The following OAS3 variants were observed in gnomAD, a reference collection of about 807,000 sequenced individuals.
OAS3 encodes the protein 2'-5'-oligoadenylate synthetase 3.
Under a neutral mutation model 113.0 loss-of-function variants are expected in OAS3, and 107 were observed. The ratio of observed to expected loss-of-function variants is 0.95; its 90% CI spans 0.81 to 1.11. The LOEUF is 1.11. OAS3 is among the 50% of genes most tolerant of loss of function. The pLI, the probability that OAS3 is intolerant of heterozygous loss-of-function variation, is 0.00. For synonymous variants in OAS3, 552 were observed against 573.6 expected (o/e 0.96, Z 0.54); for missense variants, 1,258 against 1,389.1 (o/e 0.91, Z 1.50).
intron 7 of OAS3, among the ~76,000 whole-genome samples, chr12:112,951,454 G>C (rs2043791823): frequency 6.6e-6 from 1 of 151,842 alleles, no homozygotes; most frequent in Admixed American, 6.6e-5. Flanking sequence ...CAAATCTTTT[G>C]TTTGACATGC....
chr12:112,968,103 C>G lies in OAS3; in HGVS notation c.3033C>G (p.Tyr1011Ter). 1 of 1,613,978 alleles carries G rather than the reference C, an allele frequency of 6.2e-7. No individual in the cohort carries two copies. The highest frequency in any genetic ancestry group is 8.5e-7 in the Non-Finnish European group (1 of 1,179,872). Residue 1011 changes from tyrosine (Y) to a stop codon, truncating the protein, a stop_gained, in exon 14 of 16, where the codon TAC (tyrosine) becomes TAG (stop). Transcript: ENST00000228928. LOFTEE classifies it high-confidence loss of function. ...LVTQYRQLCIYWTINYNAKDK... is the reference protein window; with the variant it reads ...LVTQYRQLCI ...CCCAGTACCGCCAGCTCTGTATCTACTGGACCATCAACTACAACGCCAAGG... is the reference window on the plus strand; with the variant it reads ...CCCAGTACCGCCAGCTCTGTATCTAGTGGACCATCAACTACAACGCCAAGG...
At position 112,946,851 on chromosome 12, in the gene OAS3, GC is replaced by G; in HGVS notation, c.747del (p.Glu250LysfsTer9). 4 of 1,613,984 alleles carry G rather than the reference GC, an allele frequency of 2.5e-6. No homozygotes were observed. The highest frequency in any genetic ancestry group is 2.2e-5 in the East Asian group (1 of 44,890). On this transcript the variant is annotated frameshift_variant, in exon 4 of 16. Coordinates refer to ENST00000228928, the MANE Select transcript of OAS3 (RefSeq NM_006187.4). LOFTEE classifies it high-confidence loss of function. The stretch of plus-strand genomic sequence containing the variant: ...CTGTAAGAAGGATGCTTTCAGCCTA[GC>G]CGAAGGCCTCCGAACTGTCCTGGGC... The part of the protein sequence containing the change: ...QGCKKDAFSL[A>X]EGLRTVLGLI...
At chr12:112,964,440 G>A (rs755761938) in intron 11 of OAS3, 32 bp downstream of exon 11, 1 of 1,595,360 alleles carries the variant, frequency 6.3e-7, no homozygotes, top group Non-Finnish European at 8.6e-7. Flanking sequence ...GGCAAGCAGT[G>A]TCCTGCAAGC....
Position 112,964,333 on chromosome 12 carries a change from C to G in OAS3, c.2328C>G (p.Ala776=). ...AGTTCCTGGCCCAGGTGAACAAGGCCGTTGATACCATCTGTTCATTTTTGA... is the reference window on the plus strand; with the variant it reads ...AGTTCCTGGCCCAGGTGAACAAGGCGGTTGATACCATCTGTTCATTTTTGA... ...NRQFLAQVNK[A]VDTICSFLKE... is the part of the protein sequence containing the mutation. Residue 776 remains alanine (A), a synonymous_variant, in exon 11 of 16, where the codon GCC becomes GCG. Transcript: ENST00000228928. 6.2e-7 allele frequency: 1 copy of G among 1,611,618 alleles called. No individual in the cohort carries two copies. Among genetic ancestry groups the G allele is most frequent in the Non-Finnish European group, 8.5e-7 (1 of 1,178,972 alleles).
chr12:112,969,626 G>T lies in OAS3; in HGVS notation c.3123G>T (p.Pro1041=). The change falls in exon 15 of 16, where the codon CCG becomes CCT. Residue 1041 remains proline (P), a synonymous_variant. Transcript: ENST00000228928. Reference sequence around the variant, plus strand: ...ATTGCAGGCCTATCATCCTGGATCCGGCTGACCCGACAGGCAACCTGGGCC... The same window carrying T: ...ATTGCAGGCCTATCATCCTGGATCCTGCTGACCCGACAGGCAACCTGGGCC... ...LQKPRPIILD[P]ADPTGNLGHN... The T allele has an allele frequency of 6.2e-7, 1 of 1,601,180 alleles. No individual in the cohort carries two copies. The highest frequency in any genetic ancestry group is 8.5e-7 in the Non-Finnish European group (1 of 1,173,714).
intron 8 of OAS3, among the ~76,000 whole-genome samples, chr12:112,962,426 T>C (rs1364317842): frequency 2.0e-5 from 3 of 152,244 alleles, no homozygotes; most frequent in Non-Finnish European, 4.4e-5. Context: ...GGGGAGACAC[T>C]AGGCAAAAGC....
At chr12:112,968,453 A>G (rs1293959078) in intron 14 of OAS3, among the ~76,000 whole-genome samples, 1 of 152,192 alleles carries the variant, frequency 6.6e-6, no homozygotes, top group Non-Finnish European at 1.5e-5. Flanking sequence ...TTTGAGACAT[A>G]ATTACGCTTA....
intron 12 of OAS3, 59 bp from the exon 13 acceptor site, chr12:112,967,359 T>C (rs1007352281): frequency 2.0e-6 from 3 of 1,505,220 alleles, no homozygotes; most frequent in African/African-American, 2.8e-5. Flanking sequence ...CCTTTCTAAG[T>C]TGGCCCCACT....
In OAS3 at chr12:112,949,132, T is replaced by A; in HGVS notation, c.1301T>A (p.Val434Glu). ...CCGAGCCCCCAGTTCCAGGAGCAGG[T>A]GAAAAAGGCCATTGACATCATCTTG... is the stretch of plus-strand genomic sequence containing the variant. ...LKPSPQFQEQ[V>E]KKAIDIILRC... The change falls in exon 6 of 16, where the codon GTG (valine) becomes GAG (glutamate). Residue 434 changes from valine (V) to glutamate (E), a missense_variant. Val to Glu is a moderately radical substitution (Grantham distance 121). Coordinates refer to ENST00000228928, the MANE Select transcript of OAS3 (RefSeq NM_006187.4). The A allele has an allele frequency of 1.9e-6, 3 of 1,613,800 alleles. No individual in the cohort carries two copies. The highest frequency in any genetic ancestry group is 2.5e-6 in the Non-Finnish European group (3 of 1,179,856).
chr12:112,941,504 C>T, intron 1 of OAS3, 66 bp from the exon 2 acceptor site: 1 of 1,545,204 alleles, frequency 6.5e-7, no homozygotes, highest in Non-Finnish European at 8.8e-7. Flanking sequence ...ACTCAAGTTG[C>T]CTGCCAGGTT....
chr12:112,946,850 A>G lies in OAS3; in HGVS notation c.744A>G (p.Leu248=), dbSNP rs1462639524. The change falls in exon 4 of 16, where the codon CTA becomes CTG. Residue 248 remains leucine (L), a synonymous_variant. Coordinates refer to ENST00000228928, the MANE Select transcript of OAS3 (RefSeq NM_006187.4). ...GCTGTAAGAAGGATGCTTTCAGCCTAGCCGAAGGCCTCCGAACTGTCCTGG... is the reference window on the plus strand; with the variant it reads ...GCTGTAAGAAGGATGCTTTCAGCCTGGCCGAAGGCCTCCGAACTGTCCTGG... ...EQGCKKDAFS[L]AEGLRTVLGL... is the part of the protein sequence containing the mutation. 6.2e-7 allele frequency: 1 copy of G among 1,614,006 alleles called. No homozygotes were observed. Among genetic ancestry groups the G allele is most frequent in the Non-Finnish European group, 8.5e-7 (1 of 1,179,882 alleles).
chr12:112,965,565 C>T (rs1469503416), intron 11 of OAS3, among the ~76,000 whole-genome samples, 179 bp from the exon 12 acceptor site: 1 of 152,238 alleles, frequency 6.6e-6, no homozygotes, highest in Non-Finnish European at 1.5e-5. Context: ...AAACTTACCT[C>T]TTGCACGCTT....
chr12:112,970,152 C>T lies in OAS3; in HGVS notation c.*179C>T. 4.2e-6 allele frequency: 3 copies of T among 712,682 alleles called. No individual in the cohort carries two copies. Among genetic ancestry groups the T allele is most frequent in the Non-Finnish European group, 4.9e-6 (2 of 411,052 alleles). 44.1% of individuals were successfully genotyped at this position (712,682 alleles called of 1,614,324 possible). On this transcript the variant is annotated 3_prime_UTR_variant, in exon 16 of 16. Coordinates refer to ENST00000228928, the MANE Select transcript of OAS3 (RefSeq NM_006187.4). The stretch of plus-strand genomic sequence containing the variant: ...TGTTTTAGTGAATCTGCTCTCCCAG[C>T]TCACACACTCCCCTGCCTCCCATGG...
intron 7 of OAS3, among the ~76,000 whole-genome samples, chr12:112,955,770 G>A (rs1029037425): frequency 2.0e-5 from 3 of 152,080 alleles, no homozygotes; most frequent in Non-Finnish European, 2.9e-5. Flanking sequence ...GAGGATTTTC[G>A]CATAGATGTT....
intron 7 of OAS3, among the ~76,000 whole-genome samples, chr12:112,955,289 G>A (rs142281909): frequency 1.3e-5 from 2 of 152,190 alleles, no homozygotes; most frequent in African/African-American, 4.8e-5. Flanking sequence ...TGACTTCCTC[G>A]TTTCCTAATT....
At chr12:112,958,881 G>A (rs1240595530) in intron 7 of OAS3, among the ~76,000 whole-genome samples, 1 of 152,248 alleles carries the variant, frequency 6.6e-6, no homozygotes, top group Non-Finnish European at 1.5e-5. Flanking sequence ...CTGTCAGACA[G>A]GGACGTTTAA....
chr12:112,941,511 G>A (rs2043679019), intron 1 of OAS3, 59 bp from the exon 2 acceptor site: 3 of 1,556,934 alleles, frequency 1.9e-6, no homozygotes, highest in African/African-American at 2.7e-5. Flanking sequence ...TTGCCTGCCA[G>A]GTTGCAAGGC....
At chr12:112,961,689 A>T (rs545686144) in intron 8 of OAS3, among the ~76,000 whole-genome samples, 9 of 152,358 alleles carry the variant, frequency 5.9e-5, no homozygotes, top group African/African-American at 1.9e-4. Context: ...AACAGAAAAG[A>T]TCTGAACAGA....
rs7295831 is a variant in OAS3 at position 112,969,102 on chromosome 12, A to C, written c.3105-506A>C. Among the ~76,000 whole-genome samples, 769 of 152,310 alleles carry C rather than the reference A, an allele frequency of 5.0e-3. 7 individuals carry two copies. The highest frequency in any genetic ancestry group is 0.017 in the African/African-American group (716 of 41,556). ...CAAATGCAAAAATTCAAAATCTGAA[A>C]ATGGCCCAGAATTTGAAGCTTTTTG... On this transcript the variant is annotated intron_variant, in intron 14 of 15. Transcript: ENST00000228928.
Sources: gnomAD v4.1 joint callset for allele counts (sites outside exome capture counted in the v4.1 genomes callset) on GRCh38, gnomAD v4.1.1 for gene constraint, MANE v1.5 for transcripts, NCBI Gene and HGNC (gene_info 2026-07-23, HGNC 2026-07-21) for gene names.